ADAM22: variants seen among roughly 807,000 people sequenced by gnomAD.
ADAM22 encodes ADAM metallopeptidase domain 22, also known as disintegrin and metalloproteinase domain-containing protein 22.
In ADAM22, 65 loss-of-function variants were observed where a neutral mutation model predicts 144.6. The ratio of observed to expected loss-of-function variants is 0.45; its 90% CI spans 0.37 to 0.55. The LOEUF (loss-of-function observed/expected upper bound fraction) is 0.55, where lower values mean the gene tolerates loss of function less well. ADAM22 is among the 20% of genes least tolerant of loss of function. ADAM22 has a pLI of 0.00. For synonymous variants in ADAM22, 391 were observed against 412.6 expected (o/e 0.95, Z 0.63); for missense variants, 974 against 1,184.9 (o/e 0.82, Z 2.61).
intron 2 of ADAM22, among the ~76,000 whole-genome samples, chr7:87,938,299 A>G (rs980649072): frequency 3.6e-5 from 5 of 137,746 alleles, no homozygotes; most frequent in African/African-American, 1.4e-4. Context: ...GCTTATTGCA[A>G]CCTCCACCTC....
intron 3 of ADAM22, among the ~76,000 whole-genome samples, chr7:87,992,523 A>T (rs1374531048): frequency 1.3e-5 from 2 of 152,186 alleles, no homozygotes; most frequent in African/African-American, 4.8e-5. Context: ...GAAAATAGAT[A>T]CTTGATATGT....
At chr7:87,985,570 C>T (rs1459130221) in intron 3 of ADAM22, among the ~76,000 whole-genome samples, 2 of 152,182 alleles carry the variant, frequency 1.3e-5, no homozygotes, top group African/African-American at 4.8e-5. Context: ...TAAAGGGAAT[C>T]ATACACTATG....
chr7:88,014,996 C>T (rs547944334), intron 3 of ADAM22, among the ~76,000 whole-genome samples: 2 of 152,250 alleles, frequency 1.3e-5, no homozygotes, highest in South Asian at 2.1e-4. Flanking sequence ...GCCATGACGC[C>T]GTATGCTCTA....
intron 3 of ADAM22, among the ~76,000 whole-genome samples, chr7:88,073,567 G>A (rs1417360579): frequency 6.6e-6 from 1 of 152,212 alleles, no homozygotes; most frequent in Non-Finnish European, 1.5e-5. Context: ...AGCTCCCACA[G>A]ACTAAATTCC....
intron 29 of ADAM22, among the ~76,000 whole-genome samples, chr7:88,182,377 C>G (rs1363147010): frequency 6.6e-6 from 1 of 152,128 alleles, no homozygotes; most frequent in Non-Finnish European, 1.5e-5. Context: ...CTTCCTCTCC[C>G]CAATACTCAC....
chr7:88,076,415 T>C (rs1035137049), intron 4 of ADAM22, among the ~76,000 whole-genome samples: 1 of 152,170 alleles, frequency 6.6e-6, no homozygotes, highest in African/African-American at 2.4e-5. Context: ...AATTTGCCTT[T>C]AATGTTACCC....
chr7:88,007,429 C>T (rs1269082420), intron 3 of ADAM22, among the ~76,000 whole-genome samples: 1 of 152,146 alleles, frequency 6.6e-6, no homozygotes, highest in Non-Finnish European at 1.5e-5. Context: ...AAAAAAGAGC[C>T]CGCATTGCCA....
At chr7:88,151,912 T>C (rs1838506549) in intron 20 of ADAM22, among the ~76,000 whole-genome samples, 1 of 152,212 alleles carries the variant, frequency 6.6e-6, no homozygotes, top group Non-Finnish European at 1.5e-5. Flanking sequence ...TTATACTCTA[T>C]TTAAATGTTT....
In ADAM22 at chr7:88,182,011, T is replaced by A; in HGVS notation, c.2650T>A (p.Ser884Thr). 6.2e-7 allele frequency: 1 copy of A among 1,613,692 alleles called. No homozygotes were observed. The change falls in exon 29 of 32, where the codon TCT (serine) becomes ACT (threonine). Residue 884 changes from serine to threonine, a missense_variant. Physicochemically the swap from Ser to Thr is moderately conservative, Grantham distance 58. Around this residue, in one of 2 missense-constraint regions of ADAM22, gnomAD observed 734 missense variants for 950.6 expected, o/e 0.77. Transcript: ENST00000413139. The part of the protein sequence containing the change: ...KIRGKRFRPR[S>T]NSTEYLNPWF... ...CAGAGGCAAAAGATTTAGACCTCGG[T>A]CTAATTCAACTGAGTAAGTCTGAAC...
chr7:88,022,294 G>A (rs986400406), intron 3 of ADAM22, among the ~76,000 whole-genome samples: 1 of 152,142 alleles, frequency 6.6e-6, no homozygotes, highest in Non-Finnish European at 1.5e-5. Flanking sequence ...CAGTAGGCCA[G>A]ACAGAGGGAA....
intron 7 of ADAM22, among the ~76,000 whole-genome samples, chr7:88,124,025 A>G (rs1829876438): frequency 1.3e-5 from 2 of 151,932 alleles, no homozygotes; most frequent in Admixed American, 6.6e-5. Flanking sequence ...GACTTGTTTT[A>G]TGATCTATCA....
chr7:88,149,153 C>T (rs1256851562), intron 18 of ADAM22, 96 bp downstream of exon 18: 3 of 804,940 alleles, frequency 3.7e-6, no homozygotes, highest in Non-Finnish European at 6.1e-6. Flanking sequence ...GAACAAGATG[C>T]TCGTGTCTCT....
intron 13 of ADAM22, among the ~76,000 whole-genome samples, 185 bp downstream of exon 13, chr7:88,134,604 G>A (rs1218263017): frequency 6.6e-6 from 1 of 152,088 alleles, no homozygotes; most frequent in Admixed American, 6.5e-5. Flanking sequence ...CATTATAGGT[G>A]GAAATTTCTA....
At chr7:87,974,405 T>C (rs1392131232) in intron 2 of ADAM22, among the ~76,000 whole-genome samples, 1 of 152,094 alleles carries the variant, frequency 6.6e-6, no homozygotes, top group Non-Finnish European at 1.5e-5. Flanking sequence ...GGTTCCTGAA[T>C]ATTGGAAGAC....
At chr7:88,147,846 A>G (rs17150273) in intron 17 of ADAM22, among the ~76,000 whole-genome samples, 2 of 152,172 alleles carry the variant, frequency 1.3e-5, no homozygotes, top group African/African-American at 4.8e-5. Context: ...TCTTAGTCCC[A>G]AGGAAGAAGA....
intron 9 of ADAM22, among the ~76,000 whole-genome samples, chr7:88,129,627 T>G (rs1168276730): frequency 6.6e-6 from 1 of 152,042 alleles, no homozygotes; most frequent in Admixed American, 6.6e-5. Flanking sequence ...TTTGAACATT[T>G]TAGATCGTCA....
Position 88,200,613 on chromosome 7 carries a change from TTTTATG to T in ADAM22, c.*4126_*4131del, listed in dbSNP as rs1195928459. On this transcript the variant is annotated 3_prime_UTR_variant, in exon 32 of 32. Coordinates refer to ENST00000413139, the MANE Select transcript of ADAM22 (RefSeq NM_001324418.2). ...CACCTAATTATATTTTTCCTTTCACTTTTATGTTTTTTTCTAAAACTGCCACCTAAA... is the reference window on the plus strand; with the variant it reads ...CACCTAATTATATTTTTCCTTTCACTTTTTTTTCTAAAACTGCCACCTAAA... 6.6e-6 allele frequency: 1 copy of T among 152,244 alleles called. No homozygotes were observed. Among genetic ancestry groups the T allele is most frequent in the Non-Finnish European group, 1.5e-5 (1 of 68,044 alleles). The allele number at this position is 152,244 out of a possible 1,614,324, so 9.4% of individuals were successfully genotyped here. A position where few individuals can be genotyped will look rare whatever the true frequency, so the allele number is the denominator to read the frequency against.
intron 5 of ADAM22, among the ~76,000 whole-genome samples, chr7:88,111,337 A>T (rs1268268942): frequency 1.3e-5 from 2 of 151,350 alleles, no homozygotes; most frequent in Non-Finnish European, 2.9e-5. Flanking sequence ...GTCATCCATG[A>T]CTCATCCTTT....
intron 7 of ADAM22, among the ~76,000 whole-genome samples, chr7:88,123,589 T>A (rs896109593): frequency 1.3e-5 from 2 of 152,056 alleles, no homozygotes; most frequent in Admixed American, 6.6e-5. Flanking sequence ...GCCCTGCTGA[T>A]CAATTTTATT....
Sources: gnomAD v4.1 joint callset for allele counts (sites outside exome capture counted in the v4.1 genomes callset) on GRCh38, gnomAD v4.1.1 for gene constraint, gnomAD v4.1.1 regional missense constraint, MANE v1.5 for transcripts, NCBI Gene and HGNC (gene_info 2026-07-23, HGNC 2026-07-21) for gene names.